The following ST3GAL1 variants were observed in gnomAD, a reference collection of about 807,000 sequenced individuals.
ST3GAL1 encodes the protein ST3 beta-galactoside alpha-2,3-sialyltransferase 1, also known as CMP-N-acetylneuraminate-beta-galactosamide-alpha-2,3-sialyltransferase 1.
In ST3GAL1, 16 loss-of-function variants were observed where a neutral mutation model predicts 34.1. The ratio of observed to expected loss-of-function variants is 0.47; its 90% CI spans 0.32 to 0.71. ST3GAL1 has a LOEUF of 0.71. Among genes scored for constraint, ST3GAL1 ranks in the 30% least tolerant of loss-of-function variants. ST3GAL1 has a pLI of 0.04. For synonymous variants in ST3GAL1, 191 were observed against 184.7 expected (o/e 1.03, Z -0.28); for missense variants, 353 against 447.4 (o/e 0.79, Z 1.90).
At position 133,556,315 on chromosome 8, in the gene ST3GAL1, A is replaced by G. The variant is rs191940551; in HGVS notation, c.-581-10389T>C. Among the ~76,000 whole-genome samples the G allele has an allele frequency of 2.6e-3, 394 of 152,268 alleles. 2 individuals are homozygous for G. Among genetic ancestry groups the G allele is most frequent in the African/African-American group, 8.7e-3 (362 of 41,550 alleles). ...TCACTTGCCCCAGATCTCACCACTG[A>G]TCAACAGCAGGCCTGGTGACTCCAG... is the stretch of plus-strand genomic sequence containing the variant. On this transcript the variant is annotated intron_variant, in intron 1 of 9. Transcript: ENST00000522652. This position sits in a 1 kb window ranked among gnomAD's most constrained non-coding sequence, Gnocchi z 8.9.
chr8:133,509,866 T>C (rs942130072), intron 2 of ST3GAL1, among the ~76,000 whole-genome samples: 7 of 152,100 alleles, frequency 4.6e-5, no homozygotes, highest in African/African-American at 1.4e-4. Flanking sequence ...GAGACCAGCC[T>C]GGCCAAAATG....
Position 133,497,455 on chromosome 8 carries a change from AATTTTTTTT to A in ST3GAL1, c.-374+1671_-374+1679del, listed in dbSNP as rs1481484575. Reference sequence around the variant, plus strand: ...CTTCTCTCCCATGCAATTTTGTTGGAATTTTTTTTTTTTTTTTTTTTTTTTTTTTTTGTG... The same window carrying A: ...CTTCTCTCCCATGCAATTTTGTTGGATTTTTTTTTTTTTTTTTTTTTTGTG... On this transcript the variant is annotated intron_variant, in intron 3 of 9. Transcript: ENST00000522652. Among the ~76,000 whole-genome samples, 81 of 101,212 alleles carry A rather than the reference AATTTTTTTT, an allele frequency of 8.0e-4. 1 individual carries two copies. The highest frequency in any genetic ancestry group is 2.4e-3 in the African/African-American group (64 of 26,558). 66.4% of individuals were successfully genotyped at this position (101,212 alleles called of 152,430 possible). A position where few individuals can be genotyped will look rare whatever the true frequency, so the allele number is the denominator to read the frequency against.
rs537996116 is a variant in ST3GAL1 at position 133,470,419 on chromosome 8, C to CAA, written c.307-4331_307-4330dup. Among the ~76,000 whole-genome samples the CAA allele has an allele frequency of 2.3e-3, 255 of 111,028 alleles. 1 individual carries two copies. Among genetic ancestry groups the CAA allele is most frequent in the African/African-American group, 7.9e-3 (239 of 30,220 alleles). The allele number at this position is 111,028 out of a possible 152,430, so 72.8% of individuals were successfully genotyped here. A position where few individuals can be genotyped will look rare whatever the true frequency, so the allele number is the denominator to read the frequency against. ...GGGCAACAAGAGAGAAACTCCATGC[C>CAA]AAAAAAAAAAAAAGTATGACAGTGC... On this transcript the variant is annotated intron_variant, in intron 5 of 9. Coordinates refer to ENST00000522652, the MANE Select transcript of ST3GAL1 (RefSeq NM_173344.3).
intron 2 of ST3GAL1, among the ~76,000 whole-genome samples, chr8:133,538,751 G>T (rs76606756): frequency 6.6e-6 from 1 of 152,138 alleles, no homozygotes; most frequent in East Asian, 1.9e-4. Flanking sequence ...TCCATTCTGC[G>T]GCTGTACTGG....
chr8:133,503,177 G>A (rs1817235765), intron 2 of ST3GAL1, among the ~76,000 whole-genome samples: 1 of 152,314 alleles, frequency 6.6e-6, no homozygotes, highest in South Asian at 2.1e-4. Context: ...CACTGAGCTT[G>A]GAAGATTTTG....
chr8:133,571,162 C>T lies in ST3GAL1; in HGVS notation c.-582+531G>A, dbSNP rs575662224. ...GGGACTCGATCCGGATACTGTCCCA[C>T]GGCCGCTCGTCCAGAACACTGGCGG... is the stretch of plus-strand genomic sequence containing the variant. On this transcript the variant is annotated intron_variant, in intron 1 of 9. Coordinates refer to ENST00000522652, the MANE Select transcript of ST3GAL1 (RefSeq NM_173344.3). This position sits in a 1 kb window ranked among gnomAD's most constrained non-coding sequence, Gnocchi z 6.7. Among the ~76,000 whole-genome samples the T allele has an allele frequency of 3.3e-5, 5 of 152,348 alleles. No individual in the cohort carries two copies. The South Asian group carries it at 6.2e-4, about 19-fold the overall frequency.
chr8:133,491,097 A>G (rs1482208658), intron 3 of ST3GAL1, among the ~76,000 whole-genome samples: 1 of 152,144 alleles, frequency 6.6e-6, no homozygotes, highest in Non-Finnish European at 1.5e-5. Flanking sequence ...CTGAAGCACA[A>G]ATAGTGGCTC....
intron 3 of ST3GAL1, among the ~76,000 whole-genome samples, 187 bp downstream of exon 3, chr8:133,498,948 C>A (rs1435751106): frequency 1.3e-5 from 2 of 152,238 alleles, no homozygotes; most frequent in East Asian, 3.8e-4. Context: ...TCTCAAATGC[C>A]ACCACCCTTC....
intron 2 of ST3GAL1, among the ~76,000 whole-genome samples, chr8:133,540,886 TATATATAGAC>T (rs1371677473): frequency 6.9e-5 from 7 of 101,898 alleles, no homozygotes; most frequent in African/African-American, 2.9e-4. Context: ...TATAGAGACA[TATATATAGAC>T]ATATATATAG....
At chr8:133,490,238 G>T (rs1416434246) in intron 3 of ST3GAL1, among the ~76,000 whole-genome samples, 3 of 152,108 alleles carry the variant, frequency 2.0e-5, no homozygotes, top group Non-Finnish European at 4.4e-5. Flanking sequence ...GGTATCAGTG[G>T]CTTACTCCAG....
chr8:133,551,618 G>GAAAGCAAGCA (rs1481293927), intron 1 of ST3GAL1, among the ~76,000 whole-genome samples: 3 of 144,280 alleles, frequency 2.1e-5, no homozygotes, highest in African/African-American at 7.6e-5. Flanking sequence ...AAGAAAGAAA[G>GAAAGCAAGCA]AGCGAGCAAG....
At chr8:133,552,377 A>C (rs1040217364) in intron 1 of ST3GAL1, among the ~76,000 whole-genome samples, 1 of 152,210 alleles carries the variant, frequency 6.6e-6, no homozygotes, top group African/African-American at 2.4e-5. Flanking sequence ...CTGAGTGAGG[A>C]ATGGTGAGAG....
intron 2 of ST3GAL1, among the ~76,000 whole-genome samples, chr8:133,514,934 C>T (rs745958085): frequency 7.9e-5 from 12 of 152,114 alleles, no homozygotes; most frequent in East Asian, 5.8e-4. Context: ...GATGGCCCCC[C>T]GCTCCCCCAG....
intron 2 of ST3GAL1, among the ~76,000 whole-genome samples, chr8:133,522,424 C>G (rs1233680049): frequency 6.6e-6 from 1 of 152,150 alleles, no homozygotes; most frequent in African/African-American, 2.4e-5. Context: ...GATCTCTACC[C>G]CTCTGGAAAT....
chr8:133,555,769 C>T (rs73361363), intron 1 of ST3GAL1, among the ~76,000 whole-genome samples: 10,912 of 152,266 alleles, frequency 0.072, 576 homozygotes, highest in East Asian at 0.3. Flanking sequence ...GCCCTCTCCA[C>T]CCCTCACTGC....
intron 2 of ST3GAL1, among the ~76,000 whole-genome samples, chr8:133,504,118 G>C (rs910407599): frequency 6.6e-6 from 1 of 152,110 alleles, no homozygotes; most frequent in African/African-American, 2.4e-5. Flanking sequence ...GGTGGGGAGG[G>C]AGGGCATCTG....
chr8:133,461,427 C>G lies in ST3GAL1; in HGVS notation c.849+448G>C, dbSNP rs1264960161. On this transcript the variant is annotated intron_variant, in intron 9 of 9. Transcript: ENST00000522652. The surrounding 1 kb of genome is among the most constrained non-coding windows in gnomAD (Gnocchi z 4.7). ...TCTCGAGATCACGGGTTCTCAACCT[C>G]GGTAGACAGTGGAACCCCTGGGTAC... Among the ~76,000 whole-genome samples, 1 of 152,150 alleles carries G rather than the reference C, an allele frequency of 6.6e-6. No homozygotes were observed. Among genetic ancestry groups the G allele is most frequent in the Non-Finnish European group, 1.5e-5 (1 of 68,024 alleles).
intron 1 of ST3GAL1, among the ~76,000 whole-genome samples, chr8:133,568,213 GCCCAGC>G (rs1410906278): frequency 6.6e-6 from 1 of 152,184 alleles, no homozygotes; most frequent in Non-Finnish European, 1.5e-5. Context: ...GAGCCACTGT[GCCCAGC>G]CAAGCCTCTT....
Position 133,553,692 on chromosome 8 carries a change from C to A in ST3GAL1, c.-581-7766G>T, listed in dbSNP as rs1445039113. ...GTGGTAGCGAGTATCTTTCTGTTAT[C>A]ATCATTTGAGGGCACTTAGTAAAGC... On this transcript the variant is annotated intron_variant, in intron 1 of 9. Transcript: ENST00000522652. Among the ~76,000 whole-genome samples, 4 of 152,168 alleles carry A rather than the reference C, an allele frequency of 2.6e-5. No homozygotes were observed. In the East Asian group the frequency reaches 7.7e-4, roughly 29 times the overall value.
Sources: gnomAD v4.1 joint callset for allele counts (sites outside exome capture counted in the v4.1 genomes callset) on GRCh38, gnomAD v4.1.1 for gene constraint, Gnocchi (gnomAD v3.1) non-coding constraint, MANE v1.5 for transcripts, NCBI Gene and HGNC (gene_info 2026-07-23, HGNC 2026-07-21) for gene names.